RNF150: variants seen among roughly 807,000 people sequenced by gnomAD.
The protein encoded by RNF150 is ring finger protein 150.
Under a neutral mutation model 39.3 loss-of-function variants are expected in RNF150, and 24 were observed. That is an observed-to-expected ratio of 0.61 (90% CI 0.44 to 0.86). The LOEUF (loss-of-function observed/expected upper bound fraction) is 0.86. Among genes scored for constraint, RNF150 ranks in the 40% least tolerant of loss-of-function variants. RNF150 has a pLI of 0.00. For missense variants in RNF150, 502 were observed against 587.8 expected (o/e 0.85, Z 1.51); for synonymous variants, 255 against 227.3 (o/e 1.12, Z -1.10).
intron 1 of RNF150, among the ~76,000 whole-genome samples, chr4:141,010,890 G>A (rs866163026): frequency 6.6e-6 from 1 of 152,122 alleles, no homozygotes; most frequent in African/African-American, 2.4e-5. Flanking sequence ...TCATAGAAAT[G>A]GGTGTAGCTT....
intron 1 of RNF150, among the ~76,000 whole-genome samples, chr4:141,159,259 T>C (rs1423828961): frequency 6.6e-6 from 1 of 152,192 alleles, no homozygotes; most frequent in Admixed American, 6.5e-5. Context: ...CCATTGTAGC[T>C]TGAAAGTGGC....
intron 1 of RNF150, among the ~76,000 whole-genome samples, chr4:141,110,562 T>C (rs577197824): frequency 2.1e-5 from 3 of 140,270 alleles, no homozygotes; most frequent in East Asian, 2.3e-4. Context: ...TACAGGTCCA[T>C]GCCACCACAC....
At chr4:140,914,378 T>C (rs1216539349) in intron 5 of RNF150, among the ~76,000 whole-genome samples, 1 of 152,192 alleles carries the variant, frequency 6.6e-6, no homozygotes, top group African/African-American at 2.4e-5. Context: ...GACACAATCA[T>C]AAAGTTTAAA....
intron 1 of RNF150, among the ~76,000 whole-genome samples, chr4:141,140,700 G>A (rs1257591215): frequency 6.6e-6 from 1 of 152,154 alleles, no homozygotes; most frequent in Non-Finnish European, 1.5e-5. Flanking sequence ...TGACTGAGCC[G>A]GACAGCTGTT....
chr4:140,963,055 C>A (rs1481488093), intron 2 of RNF150, among the ~76,000 whole-genome samples: 1 of 151,924 alleles, frequency 6.6e-6, no homozygotes, highest in Non-Finnish European at 1.5e-5. Flanking sequence ...AGGTAATATA[C>A]TCACATGTTG....
intron 6 of RNF150, among the ~76,000 whole-genome samples, chr4:140,910,749 G>C (rs1170608122): frequency 6.6e-6 from 1 of 152,232 alleles, no homozygotes; most frequent in Non-Finnish European, 1.5e-5. Flanking sequence ...GCGCAGGTGA[G>C]TGGGTGTGGT....
At chr4:141,157,641 C>T (rs1727436300) in intron 1 of RNF150, among the ~76,000 whole-genome samples, 1 of 149,610 alleles carries the variant, frequency 6.7e-6, no homozygotes, top group African/African-American at 2.4e-5. Flanking sequence ...TCCTCTGTTG[C>T]TCATTCTTAG....
At chr4:141,127,739 A>C (rs920502956) in intron 1 of RNF150, among the ~76,000 whole-genome samples, 3 of 152,134 alleles carry the variant, frequency 2.0e-5, no homozygotes. Context: ...GCCCTTAGGG[A>C]CCTAGCCTCA....
chr4:141,159,678 G>A (rs563633419), intron 1 of RNF150, among the ~76,000 whole-genome samples: 5 of 152,178 alleles, frequency 3.3e-5, no homozygotes, highest in Admixed American at 1.3e-4. Flanking sequence ...AAGTAGCTGG[G>A]ACTACAGCTG....
intron 1 of RNF150, among the ~76,000 whole-genome samples, chr4:141,011,254 T>C (rs1553936741): frequency 6.7e-6 from 1 of 148,584 alleles, no homozygotes; most frequent in South Asian, 2.1e-4. Flanking sequence ...AATTCAAAAG[T>C]AAAAAAAAAA....
chr4:141,092,865 C>T (rs1182998199), intron 1 of RNF150, among the ~76,000 whole-genome samples: 1 of 151,342 alleles, frequency 6.6e-6, no homozygotes, highest in Non-Finnish European at 1.5e-5. Flanking sequence ...ATATAAAACA[C>T]CTGAAAATGC....
intron 1 of RNF150, among the ~76,000 whole-genome samples, chr4:141,097,408 A>G (rs556605383): frequency 6.6e-6 from 1 of 152,370 alleles, no homozygotes; most frequent in South Asian, 2.1e-4. Flanking sequence ...CAGTGGTTAA[A>G]GTCTGTATCT....
At chr4:141,007,395 A>C (rs1332319852) in intron 1 of RNF150, among the ~76,000 whole-genome samples, 1 of 152,186 alleles carries the variant, frequency 6.6e-6, no homozygotes, top group Admixed American at 6.5e-5. Flanking sequence ...ACTTTGGCCT[A>C]ATTAGTAAGT....
chr4:141,126,474 T>A (rs1417925643), intron 1 of RNF150, among the ~76,000 whole-genome samples: 1 of 152,246 alleles, frequency 6.6e-6, no homozygotes, highest in East Asian at 1.9e-4. Flanking sequence ...CCAAGTCTGT[T>A]TCCGTAACAT....
intron 6 of RNF150, among the ~76,000 whole-genome samples, chr4:140,898,058 T>C (rs1730027167): frequency 6.6e-6 from 1 of 152,194 alleles, no homozygotes; most frequent in African/African-American, 2.4e-5. Context: ...TATCTGATCA[T>C]GTTCCTTGAT....
intron 1 of RNF150, among the ~76,000 whole-genome samples, chr4:141,154,021 A>G (rs958511910): frequency 3.3e-5 from 5 of 152,212 alleles, no homozygotes; most frequent in Admixed American, 6.5e-5. Flanking sequence ...TGTGTAAAAC[A>G]GATAATCATT....
At chr4:140,903,438 T>A (rs912988255) in intron 6 of RNF150, among the ~76,000 whole-genome samples, 2 of 152,176 alleles carry the variant, frequency 1.3e-5, no homozygotes, top group Admixed American at 6.5e-5. Context: ...TTCCCCATGA[T>A]TTGCTTTAGA....
intron 1 of RNF150, among the ~76,000 whole-genome samples, chr4:141,138,868 G>A (rs1477719880): frequency 1.3e-5 from 2 of 152,220 alleles, no homozygotes; most frequent in African/African-American, 4.8e-5. Context: ...AGAAGAGTAG[G>A]AGGGAACAGA....
At chr4:141,024,121 A>C (rs1251461204) in intron 1 of RNF150, among the ~76,000 whole-genome samples, 1 of 152,176 alleles carries the variant, frequency 6.6e-6, no homozygotes, top group Non-Finnish European at 1.5e-5. Context: ...AGCAACTGAG[A>C]AGCTTGGTTT....
Sources: gnomAD v4.1 joint callset for allele counts (sites outside exome capture counted in the v4.1 genomes callset) on GRCh38, gnomAD v4.1.1 for gene constraint, MANE v1.5 for transcripts, NCBI Gene and HGNC (gene_info 2026-07-23, HGNC 2026-07-21) for gene names.